Variants in MDGA1 observed in about 807,000 individuals in gnomAD.
MDGA1 encodes MAM domain containing glycosylphosphatidylinositol anchor 1, also known as MAM domain-containing glycosylphosphatidylinositol anchor protein 1.
Under a neutral mutation model 101.5 loss-of-function variants are expected in MDGA1, and 54 were observed. The ratio of observed to expected loss-of-function variants is 0.53; its 90% CI spans 0.43 to 0.67. MDGA1 has a LOEUF of 0.67. Ranked by LOEUF, MDGA1 falls within the 30% of genes least tolerant of loss-of-function variation. The pLI, the probability that MDGA1 is intolerant of heterozygous loss-of-function variation, is 0.00. For synonymous variants in MDGA1, 533 were observed against 558.3 expected (o/e 0.95, Z 0.64); for missense variants, 1,083 against 1,323.8 (o/e 0.82, Z 2.82).
In MDGA1 at chr6:37,638,054, C is replaced by G. The variant is rs1763970961; in HGVS notation, c.2776+151G>C. The G allele has an allele frequency of 1.5e-6, 1 of 681,416 alleles. No individual in the cohort carries two copies. Among genetic ancestry groups the G allele is most frequent in the African/African-American group, 1.8e-5 (1 of 56,318 alleles). The allele number at this position is 681,416 out of a possible 1,614,324, so 42.2% of individuals were successfully genotyped here. A position where few individuals can be genotyped will look rare whatever the true frequency, so the allele number is the denominator to read the frequency against. ...ACACAGCCTGAGTGAGTGTGGGGCACACCTTCACACAGTCAGAGCCACATG... is the reference window on the plus strand; with the variant it reads ...ACACAGCCTGAGTGAGTGTGGGGCAGACCTTCACACAGTCAGAGCCACATG... On this transcript the variant is annotated intron_variant, in intron 16 of 16. Transcript: ENST00000434837. This position sits in a 1 kb window ranked among gnomAD's most constrained non-coding sequence, Gnocchi z 4.8.
At chr6:37,694,816 C>G (rs1345216021) in intron 1 of MDGA1, among the ~76,000 whole-genome samples, 1 of 152,178 alleles carries the variant, frequency 6.6e-6, no homozygotes, top group Non-Finnish European at 1.5e-5. Context: ...TCGGCCCCAG[C>G]ACACCCAGCC....
chr6:37,682,291 C>T (rs1762112347), intron 1 of MDGA1, among the ~76,000 whole-genome samples: 1 of 152,176 alleles, frequency 6.6e-6, no homozygotes, highest in Non-Finnish European at 1.5e-5. Context: ...GCAAGACCAG[C>T]CTGGCCAACA....
intron 1 of MDGA1, among the ~76,000 whole-genome samples, chr6:37,681,330 C>A (rs139234988): frequency 4.4e-4 from 67 of 152,286 alleles, no homozygotes; most frequent in South Asian, 1.2e-3. Flanking sequence ...CCTGCCCCCC[C>A]TCTTCAGGTC....
At chr6:37,673,376 A>G (rs9369016) in intron 1 of MDGA1, among the ~76,000 whole-genome samples, 35,823 of 152,190 alleles carry the variant, frequency 0.24, 6,559 homozygotes, top group African/African-American at 0.49. Context: ...AATGCAAATG[A>G]ACACTTAATA....
At chr6:37,644,938 T>C (rs1482184131) in intron 12 of MDGA1, among the ~76,000 whole-genome samples, 1 of 152,162 alleles carries the variant, frequency 6.6e-6, no homozygotes, top group Non-Finnish European at 1.5e-5. Context: ...ATAAAGAAAA[T>C]CAATTATATC....
At position 37,654,480 on chromosome 6, in the gene MDGA1, G is replaced by A. The variant is rs758681977; in HGVS notation, c.776C>T (p.Thr259Met). The change falls in exon 6 of 17, where the codon ACG becomes ATG. Residue 259 changes from threonine (T) to methionine (M), a missense_variant. Physicochemically the swap from Thr to Met is moderately conservative, Grantham distance 81. This residue lies in a region of MDGA1 where 116 missense variants were observed against 196.6 expected (regional missense o/e 0.59). Coordinates refer to ENST00000434837, the MANE Select transcript of MDGA1 (RefSeq NM_153487.4). ...TLVVNPGENV[T>M]VQCLLTGGDP... ...ACCGCCTGTCAGCAGACACTGCACCGTCACATTCTCCCCAGGGTTCACCAC... is the reference window on the plus strand; with the variant it reads ...ACCGCCTGTCAGCAGACACTGCACCATCACATTCTCCCCAGGGTTCACCAC... 50 of 1,613,900 alleles carry A rather than the reference G, an allele frequency of 3.1e-5. No homozygotes were observed. The highest frequency in any genetic ancestry group is 1.4e-4 in the South Asian group (13 of 91,088).
chr6:37,674,405 C>T (rs1761934540), intron 1 of MDGA1, among the ~76,000 whole-genome samples: 1 of 152,220 alleles, frequency 6.6e-6, no homozygotes, highest in Non-Finnish European at 1.5e-5. Context: ...GGCCTTGTTC[C>T]ATTTGCAGAG....
rs1171062937 is a variant in MDGA1, at chr6:37,666,380, G to GAA, written c.68-2276_68-2275dup. ...GTCTCAAAAAAAAAAAAAAAGAAAA[G>GAA]AAAAAAAAAGAAATAAAGTTGTCTT... is the stretch of plus-strand genomic sequence containing the variant. On this transcript the variant is annotated intron_variant, in intron 1 of 16. Transcript: ENST00000434837. Among the ~76,000 whole-genome samples the GAA allele has an allele frequency of 1.4e-5, 2 of 146,846 alleles. 1 individual carries two copies. The highest frequency in any genetic ancestry group is 1.4e-4 in the Admixed American group (2 of 14,736).
intron 1 of MDGA1, among the ~76,000 whole-genome samples, chr6:37,681,010 G>A (rs1762085530): frequency 6.7e-6 from 1 of 149,166 alleles, no homozygotes; most frequent in South Asian, 2.2e-4. Flanking sequence ...CCCCCCCCCA[G>A]GAAACCTGGG....
Position 37,655,232 on chromosome 6 carries a change from A to T in MDGA1, c.580-300T>A. On this transcript the variant is annotated intron_variant, in intron 4 of 16. Transcript: ENST00000434837. The surrounding 1 kb of genome is among the most constrained non-coding windows in gnomAD (Gnocchi z 5.1). ...TGGGAAACGGAGGGGTAAGAAGGGA[A>T]CTTACTCGTACAACCCACACAAACA... 2.2e-6 allele frequency: 1 copy of T among 451,986 alleles called. No individual in the cohort carries two copies. Among genetic ancestry groups the T allele is most frequent in the Non-Finnish European group, 4.0e-6 (1 of 251,664 alleles). 28.0% of individuals were successfully genotyped at this position (451,986 alleles called of 1,614,324 possible). A position where few individuals can be genotyped will look rare whatever the true frequency, so the allele number is the denominator to read the frequency against.
Position 37,658,344 on chromosome 6 carries a change from T to G in MDGA1, c.283A>C (p.Ile95Leu). ...CCCTGCGTGCGTGCAATACGCTCGA[T>G]GCGCAGCGTCTCGTTGAACACCGAT... is the stretch of plus-strand genomic sequence containing the variant. ...ETSVFNETLR[I>L]ERIARTQGGR... is the part of the protein sequence containing the mutation. The change falls in exon 3 of 17, where the codon ATC (isoleucine) becomes CTC (leucine). Residue 95 changes from isoleucine (I) to leucine (L), a missense_variant. Ile to Leu is a conservative substitution (Grantham distance 5). Transcript: ENST00000434837. 6.2e-7 allele frequency: 1 copy of G among 1,613,292 alleles called. No individual in the cohort carries two copies. Among genetic ancestry groups the G allele is most frequent in the Non-Finnish European group, 8.5e-7 (1 of 1,179,720 alleles).
At chr6:37,683,781 T>C (rs536235873) in intron 1 of MDGA1, among the ~76,000 whole-genome samples, 8 of 152,374 alleles carry the variant, frequency 5.3e-5, no homozygotes, top group African/African-American at 1.7e-4. Context: ...TTTGCTTCCC[T>C]GTCTCGCTTC....
At chr6:37,695,064 G>C (rs910214416) in intron 1 of MDGA1, among the ~76,000 whole-genome samples, 1 of 152,082 alleles carries the variant, frequency 6.6e-6, no homozygotes, top group Non-Finnish European at 1.5e-5. Context: ...CCTAGAGAAG[G>C]CTGGAGAAGC....
chr6:37,666,191 C>CAAAAAAAAAAA (rs146449734), intron 1 of MDGA1, among the ~76,000 whole-genome samples: 1 of 122,258 alleles, frequency 8.2e-6, no homozygotes, highest in Admixed American at 8.2e-5. Flanking sequence ...ACTAAAAATA[C>CAAAAAAAAAAA]AAAAAAAAAA....
chr6:37,649,842 T>C (rs1373911151), intron 8 of MDGA1: 1 of 665,810 alleles, frequency 1.5e-6, no homozygotes, highest in East Asian at 3.0e-5. Flanking sequence ...TCCTTCAAAA[T>C]CCCATTTCCA....
At chr6:37,645,980 A>G in intron 11 of MDGA1, 24 bp from the exon 12 acceptor site, 1 of 1,613,962 alleles carries the variant, frequency 6.2e-7, no homozygotes, top group Non-Finnish European at 8.5e-7. Flanking sequence ...CGGGGAAACC[A>G]AGTCAGAACT....
chr6:37,643,472 G>A (rs113608192), intron 14 of MDGA1: 4,057 of 211,882 alleles, frequency 0.019, 66 homozygotes, highest in South Asian at 0.05. Context: ...GGGTTTCACC[G>A]TGTTGGCCAG....
intron 1 of MDGA1, among the ~76,000 whole-genome samples, chr6:37,677,993 C>T (rs1762017607): frequency 6.6e-6 from 1 of 152,200 alleles, no homozygotes; most frequent in Non-Finnish European, 1.5e-5. Flanking sequence ...TTACCTGGTT[C>T]CTCCAGGCCA....
At chr6:37,692,676 AC>A (rs71542133) in intron 1 of MDGA1, among the ~76,000 whole-genome samples, 13,751 of 147,054 alleles carry the variant, frequency 0.094, 1,031 homozygotes, top group East Asian at 0.42. Flanking sequence ...TACAGATTCC[AC>A]CCCCCTTCCC....
Sources: gnomAD v4.1 joint callset for allele counts (sites outside exome capture counted in the v4.1 genomes callset) on GRCh38, gnomAD v4.1.1 for gene constraint, gnomAD v4.1.1 regional missense constraint, Gnocchi (gnomAD v3.1) non-coding constraint, MANE v1.5 for transcripts, NCBI Gene and HGNC (gene_info 2026-07-23, HGNC 2026-07-21) for gene names.